CHD6: variants seen among roughly 807,000 people sequenced by gnomAD.
CHD6 encodes ATP-dependent chromatin remodeler CHD6.
In CHD6, 50 loss-of-function variants were observed where a neutral mutation model predicts 276.9. The ratio of observed to expected loss-of-function variants is 0.18; its 90% CI spans 0.14 to 0.23. The LOEUF (loss-of-function observed/expected upper bound fraction) is 0.23, where lower values mean the gene tolerates loss of function less well. Ranked by LOEUF, CHD6 falls within the 10% of genes least tolerant of loss-of-function variation. The probability of loss-of-function intolerance (pLI) is 1.00; values close to 1 mark genes in which losing one functional copy is unlikely to be tolerated. For missense variants in CHD6, 2,564 were observed against 3,365.8 expected (o/e 0.76, Z 5.89); for synonymous variants, 1,173 against 1,229.3 (o/e 0.95, Z 0.96).
intron 3 of CHD6, among the ~76,000 whole-genome samples, chr20:41,520,230 A>C (rs1266350394): frequency 1.3e-5 from 2 of 152,224 alleles, no homozygotes; most frequent in African/African-American, 4.8e-5. Flanking sequence ...GTGGGACTGT[A>C]AACTAGTTCA....
intron 27 of CHD6, among the ~76,000 whole-genome samples, chr20:41,434,740 C>G (rs578215043): frequency 2.6e-5 from 4 of 152,262 alleles, no homozygotes; most frequent in South Asian, 4.1e-4. Context: ...ACTGATAGAG[C>G]TGAAAGGAGA....
At chr20:41,416,404 A>G (rs541568003) in intron 33 of CHD6, among the ~76,000 whole-genome samples, 184 bp downstream of exon 33, 2 of 152,258 alleles carry the variant, frequency 1.3e-5, no homozygotes, top group South Asian at 4.1e-4. Flanking sequence ...TCCTGCTCCA[A>G]TACTTTTACT....
intron 27 of CHD6, among the ~76,000 whole-genome samples, chr20:41,430,039 A>G (rs1322362453): frequency 6.6e-6 from 1 of 152,240 alleles, no homozygotes; most frequent in Non-Finnish European, 1.5e-5. Flanking sequence ...TGGGAGAAAG[A>G]AACACCCAAA....
chr20:41,452,398 C>T lies in CHD6; in HGVS notation c.3323+342G>A, dbSNP rs991727752. On this transcript the variant is annotated intron_variant, in intron 21 of 36. Coordinates refer to ENST00000373233, the MANE Select transcript of CHD6 (RefSeq NM_032221.5). The surrounding 1 kb of genome is among the most constrained non-coding windows in gnomAD (Gnocchi z 4.2). ...TTTCTACCAGAGCCAAAGCCCTGCA[C>T]GAATCATGCCTTGGCGATAACATGT... 4.6e-5 allele frequency among the ~76,000 whole-genome samples: 7 copies of T among 152,200 alleles called. No homozygotes were observed. The highest frequency in any genetic ancestry group is 7.3e-5 in the Non-Finnish European group (5 of 68,038).
chr20:41,413,381 C>G lies in CHD6; in HGVS notation c.7074G>C (p.Leu2358=). ...CAGCCTGCTGCCTTAGCCAGTCAAG[C>G]AGACTCTTGCTGGGAATGGATTTCT... is the stretch of plus-strand genomic sequence containing the variant. ...QAEKSIPSKS[L]LDWLRQQADY... is the part of the protein sequence containing the mutation. The change falls in exon 35 of 37, where the codon CTG becomes CTC. Residue 2358 remains leucine (L), a synonymous_variant. Coordinates refer to ENST00000373233, the MANE Select transcript of CHD6 (RefSeq NM_032221.5). 1 of 1,611,964 alleles carries G rather than the reference C, an allele frequency of 6.2e-7. No individual in the cohort carries two copies. Among genetic ancestry groups the G allele is most frequent in the Non-Finnish European group, 8.5e-7 (1 of 1,179,910 alleles).
chr20:41,500,743 C>T (rs538678295), intron 5 of CHD6, among the ~76,000 whole-genome samples: 1 of 152,012 alleles, frequency 6.6e-6, no homozygotes, highest in East Asian at 1.9e-4. Flanking sequence ...GGCAGGGATC[C>T]TTGTTTTATA....
chr20:41,518,941 T>G (rs2044317485), intron 3 of CHD6, among the ~76,000 whole-genome samples: 1 of 152,180 alleles, frequency 6.6e-6, no homozygotes, highest in Non-Finnish European at 1.5e-5. Context: ...TATAGATGAT[T>G]TGGCCCATGA....
chr20:41,544,472 A>G (rs1348826592), intron 2 of CHD6, among the ~76,000 whole-genome samples: 1 of 152,148 alleles, frequency 6.6e-6, no homozygotes, highest in Admixed American at 6.5e-5. Flanking sequence ...ATGTAAACTT[A>G]CTAGACTTAC....
chr20:41,536,640 A>G (rs906189620), intron 2 of CHD6, among the ~76,000 whole-genome samples: 1 of 152,222 alleles, frequency 6.6e-6, no homozygotes, highest in African/African-American at 2.4e-5. Context: ...ATACCTTTTC[A>G]ACAGAAAGCC....
chr20:41,595,297 T>C (rs535809802), intron 1 of CHD6, among the ~76,000 whole-genome samples: 1 of 152,292 alleles, frequency 6.6e-6, no homozygotes, highest in Admixed American at 6.5e-5. Context: ...TGAAAGTGTG[T>C]GAATGAGATG....
intron 24 of CHD6, among the ~76,000 whole-genome samples, chr20:41,446,447 G>A (rs1364251269): frequency 2.0e-5 from 3 of 151,998 alleles, no homozygotes; most frequent in Non-Finnish European, 1.5e-5. Flanking sequence ...TTTCTGTAAC[G>A]TGTTTGGAGA....
At chr20:41,450,900 G>A in intron 23 of CHD6, 46 bp downstream of exon 23, 1 of 1,570,628 alleles carries the variant, frequency 6.4e-7, no homozygotes, top group African/African-American at 1.3e-5. Context: ...AATCGAAGCA[G>A]TCTGAGCCGG....
chr20:41,590,260 G>A (rs540045416), intron 1 of CHD6, among the ~76,000 whole-genome samples: 6 of 152,086 alleles, frequency 3.9e-5, no homozygotes, highest in Admixed American at 3.3e-4. Flanking sequence ...CCATAAAAAC[G>A]CTAGAAGAAA....
intron 24 of CHD6, 132 bp downstream of exon 24, chr20:41,447,749 TG>T: frequency 1.9e-6 from 1 of 534,460 alleles, no homozygotes. Flanking sequence ...TTCTCCCATC[TG>T]GGACACCGGT....
At position 41,543,009 on chromosome 20, in the gene CHD6, C is replaced by CAGG. The variant is rs759695159; in HGVS notation, c.33+8293_33+8295dup. Among the ~76,000 whole-genome samples, 4 of 150,006 alleles carry CAGG rather than the reference C, an allele frequency of 2.7e-5. No individual in the cohort carries two copies. In the Admixed American group the frequency reaches 2.7e-4, roughly 10 times the overall value. ...ATCCCAGCTACTCAAGAGGCTAAGG[C>CAGG]AGGAGAATTGCTTGATTCCGGGAGG... On this transcript the variant is annotated intron_variant, in intron 2 of 36. Coordinates refer to ENST00000373233, the MANE Select transcript of CHD6 (RefSeq NM_032221.5).
At chr20:41,561,817 G>C (rs1375773694) in intron 1 of CHD6, among the ~76,000 whole-genome samples, 1 of 152,094 alleles carries the variant, frequency 6.6e-6, no homozygotes, top group African/African-American at 2.4e-5. Context: ...TGAAGAATCT[G>C]AACAATTCTG....
intron 10 of CHD6, among the ~76,000 whole-genome samples, chr20:41,492,287 A>G (rs1600998640): frequency 6.6e-6 from 1 of 152,234 alleles, no homozygotes; most frequent in East Asian, 1.9e-4. Flanking sequence ...TTTATGGGAG[A>G]GGGTTGAAAG....
At chr20:41,439,288 G>A (rs1413747860) in intron 26 of CHD6, among the ~76,000 whole-genome samples, 3 of 151,934 alleles carry the variant, frequency 2.0e-5, no homozygotes, top group Non-Finnish European at 2.9e-5. Flanking sequence ...CCTGGGAGGC[G>A]GAGGTTGCAG....
At chr20:41,541,094 T>C (rs1199616628) in intron 2 of CHD6, among the ~76,000 whole-genome samples, 2 of 151,940 alleles carry the variant, frequency 1.3e-5, no homozygotes, top group East Asian at 1.9e-4. Flanking sequence ...CTGGAACTTA[T>C]CCACTCAGCA....
Sources: gnomAD v4.1 joint callset for allele counts (sites outside exome capture counted in the v4.1 genomes callset) on GRCh38, gnomAD v4.1.1 for gene constraint, Gnocchi (gnomAD v3.1) non-coding constraint, MANE v1.5 for transcripts, NCBI Gene and HGNC (gene_info 2026-07-23, HGNC 2026-07-21) for gene names.